Variants in ADAM23 observed in about 807,000 individuals in gnomAD.
ADAM23 encodes the protein disintegrin and metalloproteinase domain-containing protein 23.
In ADAM23, 33 loss-of-function variants were observed where a neutral mutation model predicts 120.1. The observed-to-expected ratio is 0.27, with a 90% confidence interval of 0.21 to 0.37. The LOEUF is 0.37. Ranked by LOEUF, ADAM23 falls within the 10% of genes least tolerant of loss-of-function variation. ADAM23 has a pLI of 1.00. For synonymous variants in ADAM23, 367 were observed against 375.2 expected, an observed-to-expected ratio of 0.98 and a Z score of 0.25; for missense variants, 862 against 1,058.2, an observed-to-expected ratio of 0.81 and a Z score of 2.57.
Position 206,443,801 on chromosome 2 carries a change from G to T in ADAM23, c.-66G>T, listed in dbSNP as rs1296681944. ...AGCCGGCGTGACCGGCTCCGCCCGC[G>T]GCCGCCCCGCAGCTAGCCCGGCGCT... On this transcript the variant is annotated 5_prime_UTR_variant, in exon 1 of 26. Coordinates refer to ENST00000264377, the MANE Select transcript of ADAM23 (RefSeq NM_003812.4). The T allele has an allele frequency of 2.1e-6, 2 of 942,970 alleles. No homozygotes were observed. The highest frequency in any genetic ancestry group is 1.8e-5 in the African/African-American group (1 of 55,812). The allele number at this position is 942,970 out of a possible 1,614,324, so 58.4% of individuals were successfully genotyped here. A position where few individuals can be genotyped will look rare whatever the true frequency, so the allele number is the denominator to read the frequency against.
chr2:206,445,060 TAAATC>T (rs773239213), intron 1 of ADAM23, among the ~76,000 whole-genome samples: 5 of 150,122 alleles, frequency 3.3e-5, no homozygotes, highest in Admixed American at 1.3e-4. Context: ...ATATAAGACA[TAAATC>T]AAAATAAATA....
Position 206,617,780 on chromosome 2 carries a change from A to T in ADAM23, c.*153A>T. On this transcript the variant is annotated 3_prime_UTR_variant, in exon 26 of 26. Coordinates refer to ENST00000264377, the MANE Select transcript of ADAM23 (RefSeq NM_003812.4). ...GTTGGGGTGACAAGGATGGGGTAAA[A>T]GAAAACTGTCTCTTTTGGAAATAAT... 7.0e-7 allele frequency: 1 copy of T among 1,435,500 alleles called. No individual in the cohort carries two copies. Among genetic ancestry groups the T allele is most frequent in the South Asian group, 1.5e-5 (1 of 65,876 alleles). The allele number at this position is 1,435,500 out of a possible 1,614,324, so 88.9% of individuals were successfully genotyped here. A position where few individuals can be genotyped will look rare whatever the true frequency, so the allele number is the denominator to read the frequency against.
At chr2:206,530,315 A>G (rs1246929570) in intron 3 of ADAM23, among the ~76,000 whole-genome samples, 1 of 152,222 alleles carries the variant, frequency 6.6e-6, no homozygotes, top group Non-Finnish European at 1.5e-5. Context: ...CATGGCCCAC[A>G]AAACCTAAAA....
At chr2:206,488,943 G>T (rs1425390789) in intron 3 of ADAM23, among the ~76,000 whole-genome samples, 1 of 150,720 alleles carries the variant, frequency 6.6e-6, no homozygotes, top group Non-Finnish European at 1.5e-5. Context: ...TTACCAAGCT[G>T]CAAACAGAAG....
At chr2:206,548,485 A>T (rs1032620320) in intron 8 of ADAM23, 131 bp downstream of exon 8, 2 of 792,810 alleles carry the variant, frequency 2.5e-6, no homozygotes, top group African/African-American at 3.4e-5. Context: ...TGAAAACAAT[A>T]AACAAAAAAC....
intron 3 of ADAM23, among the ~76,000 whole-genome samples, chr2:206,498,882 A>G (rs1215227274): frequency 1.1e-4 from 16 of 152,246 alleles, no homozygotes; most frequent in Non-Finnish European, 4.4e-5. Context: ...ATGCAGCCAA[A>G]AAAACATGAA....
intron 7 of ADAM23, among the ~76,000 whole-genome samples, chr2:206,547,910 A>G (rs1206012217): frequency 6.6e-6 from 1 of 152,148 alleles, no homozygotes; most frequent in East Asian, 1.9e-4. Context: ...ATGTGATTTT[A>G]TTTCTGTATA....
intron 18 of ADAM23, among the ~76,000 whole-genome samples, chr2:206,575,047 G>A (rs4675616): frequency 0.42 from 63,625 of 151,926 alleles, 13,636 homozygotes; most frequent in Non-Finnish European, 0.47. Context: ...ATAAAATAAG[G>A]CAAAGTGGAA....
chr2:206,480,347 T>C (rs907180466), intron 2 of ADAM23, among the ~76,000 whole-genome samples: 4 of 152,086 alleles, frequency 2.6e-5, no homozygotes, highest in Non-Finnish European at 4.4e-5. Flanking sequence ...TTACCATGCA[T>C]GAAGCACTTC....
intron 3 of ADAM23, among the ~76,000 whole-genome samples, chr2:206,491,066 A>G (rs1380187653): frequency 6.6e-6 from 1 of 152,196 alleles, no homozygotes; most frequent in African/African-American, 2.4e-5. Context: ...AACCATTGAT[A>G]CTTATATACT....
intron 25 of ADAM23, among the ~76,000 whole-genome samples, 172 bp downstream of exon 25, chr2:206,610,172 C>T (rs1182939126): frequency 2.0e-5 from 3 of 152,188 alleles, no homozygotes; most frequent in African/African-American, 4.8e-5. Context: ...GGACCCTCAA[C>T]TGTCATTTTC....
At chr2:206,445,148 T>A (rs1255124826) in intron 1 of ADAM23, among the ~76,000 whole-genome samples, 159 bp from the exon 2 acceptor site, 2 of 152,246 alleles carry the variant, frequency 1.3e-5, no homozygotes, top group Non-Finnish European at 1.5e-5. Flanking sequence ...AATAACTTGC[T>A]TTACTCTAGC....
At chr2:206,581,939 G>A (rs1417135650) in intron 18 of ADAM23, among the ~76,000 whole-genome samples, 1 of 151,920 alleles carries the variant, frequency 6.6e-6, no homozygotes, top group Admixed American at 6.6e-5. Flanking sequence ...GTGCAGTGGT[G>A]CGATCTCGGC....
intron 17 of ADAM23, 46 bp downstream of exon 17, chr2:206,571,862 C>T: frequency 6.6e-7 from 1 of 1,520,570 alleles, no homozygotes; most frequent in Non-Finnish European, 9.1e-7. Context: ...GACAGATTAG[C>T]CAGATATCTC....
At chr2:206,489,952 T>TTGA (rs1343703417) in intron 3 of ADAM23, among the ~76,000 whole-genome samples, 2 of 152,232 alleles carry the variant, frequency 1.3e-5, no homozygotes, top group Non-Finnish European at 2.9e-5. Context: ...GAACCATCTG[T>TTGA]TATGCTCTGT....
At chr2:206,586,035 G>A (rs76654926) in intron 18 of ADAM23, among the ~76,000 whole-genome samples, 11,671 of 152,182 alleles carry the variant, frequency 0.077, 568 homozygotes, top group Admixed American at 0.14. Flanking sequence ...GAGCCATGCC[G>A]AAATCCAGAG....
At chr2:206,541,215 G>A (rs1040920198) in intron 4 of ADAM23, among the ~76,000 whole-genome samples, 1 of 151,170 alleles carries the variant, frequency 6.6e-6, no homozygotes, top group African/African-American at 2.4e-5. Context: ...GTACAACAAA[G>A]GAGCAAAAAT....
intron 11 of ADAM23, 123 bp downstream of exon 11, chr2:206,560,241 TTGTC>T (rs1446855163): frequency 2.0e-5 from 21 of 1,044,988 alleles, no homozygotes; most frequent in Non-Finnish European, 2.8e-5. Context: ...GTGGGTTCCT[TTGTC>T]TGTTAGATAA....
At chr2:206,511,969 G>A (rs1051340947) in intron 3 of ADAM23, among the ~76,000 whole-genome samples, 8 of 152,290 alleles carry the variant, frequency 5.3e-5, no homozygotes, top group Middle Eastern at 6.8e-3. Flanking sequence ...TACAGTGTCA[G>A]TGGCCTTGGA....
Sources: allele counts gnomAD v4.1 joint callset (sites outside exome capture counted in the v4.1 genomes callset), GRCh38; gene constraint gnomAD v4.1.1; transcripts MANE v1.5; gene names NCBI Gene and HGNC (gene_info 2026-07-23, HGNC 2026-07-21).